The following ATP11A variants were observed in gnomAD, a reference collection of about 807,000 sequenced individuals.
ATP11A encodes the protein phospholipid-transporting ATPase IH.
A neutral mutation model predicts 154.4 loss-of-function variants in ATP11A; 81 were observed. That is an observed-to-expected ratio of 0.52 (90% confidence interval 0.44 to 0.63). The LOEUF (loss-of-function observed/expected upper bound fraction) is 0.63, where lower values mean the gene tolerates loss of function less well. Among genes scored for constraint, ATP11A ranks in the 30% least tolerant of loss-of-function variants. The probability of loss-of-function intolerance (pLI) is 0.00; values close to 1 mark genes in which losing one functional copy is unlikely to be tolerated. For missense variants in ATP11A, 1,316 were observed against 1,474.3 expected (o/e 0.89, Z 1.76); for synonymous variants, 623 against 585.9 (o/e 1.06, Z -0.91).
rs1888493470 is a variant in ATP11A, at chr13:112,716,669, G to A, written c.39+26214G>A. 2.0e-5 allele frequency among the ~76,000 whole-genome samples: 3 copies of A among 152,184 alleles called. No individual in the cohort carries two copies. In the South Asian group the frequency reaches 6.2e-4, roughly 31 times the overall value. On this transcript the variant is annotated intron_variant, in intron 1 of 29. Transcript: ENST00000375645. ...CTCTCACCCATGTCTTGGGCACGTC[G>A]ATGGGGCCGGGCCGCTGGAGAGGGT...
chr13:112,826,127 G>A (rs986712501), intron 11 of ATP11A, among the ~76,000 whole-genome samples: 1 of 145,326 alleles, frequency 6.9e-6, no homozygotes, highest in Non-Finnish European at 1.5e-5. Flanking sequence ...GAGCAGGGCC[G>A]TGTGCAAACC....
At chr13:112,831,957 A>T (rs2079101974) in intron 13 of ATP11A, among the ~76,000 whole-genome samples, 1 of 127,216 alleles carries the variant, frequency 7.9e-6, no homozygotes, top group Non-Finnish European at 1.6e-5. Context: ...ATGCAGACAC[A>T]CACACTCACA....
rs577478624 is a variant in ATP11A, at chr13:112,765,974, C to T, written c.40-19161C>T. ...TGTCCGGCGTTGATCCTTTAACTGA[C>T]CATGGGCAGTTTTAGTTCACGAGTG... is the stretch of plus-strand genomic sequence containing the variant. On this transcript the variant is annotated intron_variant, in intron 1 of 29. Transcript: ENST00000375645. Among the ~76,000 whole-genome samples the T allele has an allele frequency of 8.4e-4, 128 of 152,358 alleles. 1 individual carries two copies. The highest frequency in any genetic ancestry group is 3.4e-3 in the Middle Eastern group (1 of 294).
At chr13:112,783,329 G>A (rs1216901701) in intron 1 of ATP11A, among the ~76,000 whole-genome samples, 2 of 152,216 alleles carry the variant, frequency 1.3e-5, no homozygotes, top group Non-Finnish European at 1.5e-5. Context: ...GAAGCACCGA[G>A]GGGCAGCCCA....
At position 112,882,706 on chromosome 13, in the gene ATP11A, G is replaced by T. The variant is rs998929788; in HGVS notation, c.*840G>T. On this transcript the variant is annotated 3_prime_UTR_variant, in exon 30 of 30. Coordinates refer to ENST00000375645, the MANE Select transcript of ATP11A (RefSeq NM_015205.3). This position sits in a 1 kb window ranked among gnomAD's most constrained non-coding sequence, Gnocchi z 5.1. ...CACGCCGGCAGCTTCCAGCCCTGCC[G>T]CAGAAGTGCCAGGATGTCCATCAGC... The T allele has an allele frequency of 2.0e-5, 8 of 399,866 alleles. No homozygotes were observed. The highest frequency in any genetic ancestry group is 3.5e-5 in the Non-Finnish European group (8 of 227,144). 24.8% of individuals were successfully genotyped at this position (399,866 alleles called of 1,614,324 possible). A position where few individuals can be genotyped will look rare whatever the true frequency, so the allele number is the denominator to read the frequency against.
In ATP11A at chr13:112,842,363, T is replaced by G; in HGVS notation, c.1793T>G (p.Val598Gly). ...AAAGTTGACCAGATCCGAGCCAGAG[T>G]GGAGCGTAACGCAGTGGTGAGAGCC... Reference protein sequence around the residue: ...EGKVDQIRARVERNAVEGLRT... With the variant: ...EGKVDQIRARGERNAVEGLRT... The change falls in exon 17 of 30, where the codon GTG becomes GGG. Residue 598 changes from valine (V) to glycine (G), a missense_variant. Around this residue, in one of 5 missense-constraint regions of ATP11A, gnomAD observed 876 missense variants for 1,006.8 expected, o/e 0.87. Transcript: ENST00000375645. 1.2e-6 allele frequency: 2 copies of G among 1,607,258 alleles called. No homozygotes were observed. The highest frequency in any genetic ancestry group is 1.7e-6 in the Non-Finnish European group (2 of 1,176,606).
At chr13:112,714,358 A>G (rs1350349937) in intron 1 of ATP11A, among the ~76,000 whole-genome samples, 5 of 152,080 alleles carry the variant, frequency 3.3e-5, no homozygotes. Flanking sequence ...CCACTGTGGG[A>G]ACCCACGTCT....
rs1030249313 is a variant in ATP11A at position 112,829,429 on chromosome 13, T to C, written c.1222-1946T>C. Among the ~76,000 whole-genome samples the C allele has an allele frequency of 5.9e-5, 9 of 152,374 alleles. No homozygotes were observed. In the East Asian group the frequency reaches 1.7e-3, roughly 29 times the overall value. ...CTCAATGTGTGCAAATCAGTAAGTG[T>C]AGTGCATTACGTCTGCAAAATGAAG... On this transcript the variant is annotated intron_variant, in intron 12 of 29. Transcript: ENST00000375645.
chr13:112,810,833 G>A (rs960194553), intron 5 of ATP11A, 107 bp downstream of exon 5: 1 of 939,016 alleles, frequency 1.1e-6, no homozygotes, highest in Non-Finnish European at 1.6e-6. Context: ...CTACTCAGGA[G>A]GCTGAGGCAG....
chr13:112,758,674 C>T (rs1054667506), intron 1 of ATP11A, among the ~76,000 whole-genome samples: 23 of 152,160 alleles, frequency 1.5e-4, no homozygotes, highest in African/African-American at 4.8e-4. Flanking sequence ...CCGCCCATCT[C>T]GGCCTCCCAA....
chr13:112,871,883 A>G, intron 26 of ATP11A, 83 bp downstream of exon 26: 1 of 1,399,362 alleles, frequency 7.1e-7, no homozygotes, highest in Non-Finnish European at 1.0e-6. Context: ...AGCTCTCTGA[A>G]TTATAACTCT....
rs112079556 is a variant in ATP11A, at chr13:112,811,053, C to CT, written c.441+341dup. Among the ~76,000 whole-genome samples the CT allele has an allele frequency of 7.7e-3, 1,074 of 139,576 alleles. 6 individuals are homozygous for CT. The highest frequency in any genetic ancestry group is 0.028 in the South Asian group (123 of 4,352). 91.6% of individuals were successfully genotyped at this position (139,576 alleles called of 152,430 possible). ...GGGTGTAGGCCCAAGCTCCCTACTTCTTTTTTTTTTTTTTACCTTTAATTT... is the reference window on the plus strand; with the variant it reads ...GGGTGTAGGCCCAAGCTCCCTACTTCTTTTTTTTTTTTTTTACCTTTAATTT... On this transcript the variant is annotated intron_variant, in intron 5 of 29. Transcript: ENST00000375645.
chr13:112,764,547 C>A lies in ATP11A; in HGVS notation c.40-20588C>A, dbSNP rs148896692. Among the ~76,000 whole-genome samples the A allele has an allele frequency of 2.6e-5, 4 of 152,316 alleles. No individual in the cohort carries two copies. In the East Asian group the frequency reaches 7.7e-4, roughly 29 times the overall value. On this transcript the variant is annotated intron_variant, in intron 1 of 29. Coordinates refer to ENST00000375645, the MANE Select transcript of ATP11A (RefSeq NM_015205.3). ...CTGGGCTGGGCCCCCACCCTGCCTC[C>A]CATCCAGACAGAGTCCCAGGTGGGG...
chr13:112,701,603 C>T (rs908220139), intron 1 of ATP11A, among the ~76,000 whole-genome samples: 15 of 152,082 alleles, frequency 9.9e-5, no homozygotes, highest in Admixed American at 6.6e-5. Flanking sequence ...GAGGCCGAGG[C>T]GGGCGGATCA....
chr13:112,782,251 G>GGCC (rs2077518536), intron 1 of ATP11A, among the ~76,000 whole-genome samples: 1 of 152,184 alleles, frequency 6.6e-6, no homozygotes, highest in African/African-American at 2.4e-5. Context: ...GGCTGGAAGC[G>GGCC]GCCGGGAAGC....
At chr13:112,828,118 G>GAAACGCCCAGCAGTGTTGAGTGGGGGGA (rs143513857) in intron 12 of ATP11A, among the ~76,000 whole-genome samples, 1 of 122,444 alleles carries the variant, frequency 8.2e-6, no homozygotes, top group African/African-American at 3.2e-5. Context: ...TGAGTGGGGG[G>GAAACGCCCAGCAGTGTTGAGTGGGGGGA]AAGCGCCCAG....
chr13:112,691,399 G>A (rs1219768232), intron 1 of ATP11A, among the ~76,000 whole-genome samples: 3 of 151,138 alleles, frequency 2.0e-5, no homozygotes, highest in African/African-American at 7.3e-5. Flanking sequence ...GGGAGGCGGT[G>A]GTTGCAATGA....
intron 1 of ATP11A, among the ~76,000 whole-genome samples, chr13:112,777,038 G>A (rs2077366615): frequency 6.6e-6 from 1 of 152,194 alleles, no homozygotes; most frequent in South Asian, 2.1e-4. Context: ...TGCACCGCGG[G>A]TTTGGAGTTC....
chr13:112,734,511 G>A (rs940816396), intron 1 of ATP11A, among the ~76,000 whole-genome samples: 9 of 152,060 alleles, frequency 5.9e-5, no homozygotes, highest in African/African-American at 2.2e-4. Flanking sequence ...GCCTGTCAGT[G>A]ACCTCAGCCA....
Sources: gnomAD v4.1 joint callset for allele counts (sites outside exome capture counted in the v4.1 genomes callset) on GRCh38, gnomAD v4.1.1 for gene constraint, gnomAD v4.1.1 regional missense constraint, Gnocchi (gnomAD v3.1) non-coding constraint, MANE v1.5 for transcripts, NCBI Gene and HGNC (gene_info 2026-07-23, HGNC 2026-07-21) for gene names.